The following NCBP1 variants were observed in gnomAD, a reference collection of about 807,000 sequenced individuals.
The protein encoded by NCBP1 is nuclear cap-binding protein subunit 1.
Under a neutral mutation model 111.7 loss-of-function variants are expected in NCBP1, and 16 were observed. The ratio of observed to expected loss-of-function variants is 0.14; its 90% CI spans 0.10 to 0.22. The LOEUF is 0.22. Ranked by LOEUF, NCBP1 falls within the 10% of genes least tolerant of loss-of-function variation. The pLI is 1.00. For missense variants in NCBP1, 607 were observed against 957.5 expected (o/e 0.63, Z 4.83); for synonymous variants, 304 against 314.3 (o/e 0.97, Z 0.35).
intron 21 of NCBP1, 26 bp downstream of exon 21, chr9:97,669,000 A>C (rs760654999): frequency 6.3e-7 from 1 of 1,574,866 alleles, no homozygotes; most frequent in South Asian, 1.2e-5. Flanking sequence ...ACATTTATAC[A>C]TAAAAGGAAA....
In NCBP1 at chr9:97,634,156, A is replaced by G. The variant is rs560896834; in HGVS notation, c.34+241A>G. ...CGGGAAAGAAGGCCTGGTGAACCCC[A>G]TGGGTAGACCCTTGGTCTCTAAGGA... On this transcript the variant is annotated intron_variant, in intron 1 of 22. Coordinates refer to ENST00000375147, the MANE Select transcript of NCBP1 (RefSeq NM_002486.5). Among the ~76,000 whole-genome samples, 10 of 152,352 alleles carry G rather than the reference A, an allele frequency of 6.6e-5. No individual in the cohort carries two copies. In the South Asian group the frequency reaches 1.9e-3, roughly 28 times the overall value.
At chr9:97,636,059 A>G (rs1043143512) in intron 1 of NCBP1, 1 of 152,214 alleles carries the variant, frequency 6.6e-6, no homozygotes, top group Admixed American at 6.5e-5. Context: ...TAAATAAGAC[A>G]AGTAAAACAA....
chr9:97,653,700 C>T, intron 10 of NCBP1, 98 bp from the exon 11 acceptor site: 1 of 772,502 alleles, frequency 1.3e-6, no homozygotes. Flanking sequence ...CATATGAATG[C>T]CATGGAGTTA....
At chr9:97,644,884 GAATTTCATGT>G (rs1276681394) in intron 4 of NCBP1, among the ~76,000 whole-genome samples, 1 of 151,970 alleles carries the variant, frequency 6.6e-6, no homozygotes, top group African/African-American at 2.4e-5. Flanking sequence ...ACTGAAACTT[GAATTTCATGT>G]AATTTGTATA....
At chr9:97,667,137 C>T (rs1485249433) in intron 20 of NCBP1, among the ~76,000 whole-genome samples, 2 of 152,046 alleles carry the variant, frequency 1.3e-5, no homozygotes, top group East Asian at 1.9e-4. Flanking sequence ...ATCTCTGGGT[C>T]GGCCTCACGT....
chr9:97,636,020 A>ATT lies in NCBP1; in HGVS notation c.34+2107_34+2108dup, dbSNP rs528963518. 13 of 152,298 alleles carry ATT rather than the reference A, an allele frequency of 8.5e-5. 1 individual carries two copies. In the East Asian group the frequency reaches 1.3e-3, roughly 16 times the overall value. The allele number at this position is 152,298 out of a possible 1,614,324, so 9.4% of individuals were successfully genotyped here. A position where few individuals can be genotyped will look rare whatever the true frequency, so the allele number is the denominator to read the frequency against. The stretch of plus-strand genomic sequence containing the variant: ...CCAGCTGGCAGCCAAATCACTGTCC[A>ATT]TTTGGGTCTTGCCGCGAGAACCTCA... On this transcript the variant is annotated intron_variant, in intron 1 of 22. Transcript: ENST00000375147.
In NCBP1 at chr9:97,645,231, G is replaced by T; in HGVS notation, c.489+7G>T. 2 of 1,594,232 alleles carry T rather than the reference G, an allele frequency of 1.3e-6. No homozygotes were observed. The highest frequency in any genetic ancestry group is 1.7e-6 in the Non-Finnish European group (2 of 1,162,264). On this transcript the variant is annotated splice_region_variant and intron_variant, in intron 5 of 22. Transcript: ENST00000375147. ...GGAAGAAGATGTACCTCAGGTAAGA[G>T]AACCCCTCATGCTGAATCTTGAGGG...
At position 97,646,943 on chromosome 9, in the gene NCBP1, CTTT is replaced by C. The variant is rs562016925; in HGVS notation, c.612-538_612-536del. ...AATATACACACTGTTCTTCACTTGG[CTTT>C]TTTTTTTTTTCTTACTATAACTTGG... On this transcript the variant is annotated intron_variant, in intron 6 of 22. Transcript: ENST00000375147. Among the ~76,000 whole-genome samples the C allele has an allele frequency of 2.2e-5, 3 of 134,788 alleles. No individual in the cohort carries two copies. In the East Asian group the frequency reaches 6.7e-4, roughly 30 times the overall value. The allele number at this position is 134,788 out of a possible 152,430, so 88.4% of individuals were successfully genotyped here. A position where few individuals can be genotyped will look rare whatever the true frequency, so the allele number is the denominator to read the frequency against.
At position 97,654,955 on chromosome 9, in the gene NCBP1, C is replaced by T. The variant is rs748226866; in HGVS notation, c.1235+11C>T. The T allele has an allele frequency of 8.5e-5, 133 of 1,564,290 alleles. No homozygotes were observed. Among genetic ancestry groups the T allele is most frequent in the Non-Finnish European group, 1.1e-4 (126 of 1,155,570 alleles). Reference sequence around the variant, plus strand: ...TACCTGTGTAGACAGGTACAGTAATCGCTTTACTGCTGAGCTGAGTTAGCA... The same window carrying T: ...TACCTGTGTAGACAGGTACAGTAATTGCTTTACTGCTGAGCTGAGTTAGCA... On this transcript the variant is annotated intron_variant, in intron 12 of 22. Transcript: ENST00000375147.
intron 1 of NCBP1, 33 bp from the exon 2 acceptor site, chr9:97,640,761 A>G: frequency 1.3e-6 from 2 of 1,516,600 alleles, no homozygotes; most frequent in Non-Finnish European, 1.8e-6. Context: ...CAGATTTATC[A>G]TGTAATGTTA....
Position 97,664,381 on chromosome 9 carries a change from A to G in NCBP1, c.1839A>G (p.Ile613Met). ...TGGATAAGATGATTCGTACACAAAT[A>G]GTTGATTGTGCTGCCGTAGCAAATT... The part of the protein sequence containing the change: ...VLVDKMIRTQ[I>M]VDCAAVANWI... Residue 613 changes from isoleucine (I) to methionine (M), a missense_variant, in exon 19 of 23, where the codon ATA becomes ATG. Around this residue, in one of 9 missense-constraint regions of NCBP1, gnomAD observed 282 missense variants for 376.5 expected, o/e 0.75. Coordinates refer to ENST00000375147, the MANE Select transcript of NCBP1 (RefSeq NM_002486.5). The G allele has an allele frequency of 6.2e-7, 1 of 1,613,144 alleles. No homozygotes were observed. Among genetic ancestry groups the G allele is most frequent in the Non-Finnish European group, 8.5e-7 (1 of 1,179,164 alleles).
chr9:97,667,301 A>G (rs1036213402), intron 20 of NCBP1, among the ~76,000 whole-genome samples: 2 of 152,214 alleles, frequency 1.3e-5, no homozygotes, highest in African/African-American at 4.8e-5. Context: ...TACTTCTCAT[A>G]GTATTAATTT....
At chr9:97,642,265 T>A in intron 3 of NCBP1, among the ~76,000 whole-genome samples, 1 of 152,140 alleles carries the variant, frequency 6.6e-6, no homozygotes, top group Non-Finnish European at 1.5e-5. Context: ...GTATTTACAC[T>A]TAAACTGTTG....
At chr9:97,644,255 C>T (rs530658213) in intron 4 of NCBP1, among the ~76,000 whole-genome samples, 4 of 152,248 alleles carry the variant, frequency 2.6e-5, no homozygotes, top group Admixed American at 2.6e-4. Flanking sequence ...TTTAGCCTGA[C>T]CCTTTATGGT....
At chr9:97,661,929 T>G (rs1459818915) in intron 16 of NCBP1, 113 bp from the exon 17 acceptor site, 6 of 576,428 alleles carry the variant, frequency 1.0e-5, no homozygotes, top group Non-Finnish European at 1.4e-5. Context: ...CCAAAAAACA[T>G]TACACAAATA....
intron 19 of NCBP1, 151 bp downstream of exon 19, chr9:97,664,594 T>C (rs1315542346): frequency 3.6e-6 from 2 of 549,122 alleles, no homozygotes; most frequent in Non-Finnish European, 6.5e-6. Context: ...CAAAAATTCC[T>C]AGACAGTGGA....
intron 1 of NCBP1, among the ~76,000 whole-genome samples, chr9:97,638,002 AT>A (rs35245675): frequency 0.14 from 21,656 of 152,220 alleles, 2,038 homozygotes; most frequent in Middle Eastern, 0.35. Flanking sequence ...AAACTTTTAC[AT>A]AGTTAAATTT....
At chr9:97,648,634 TA>T (rs1202627338) in intron 8 of NCBP1, among the ~76,000 whole-genome samples, 1 of 152,228 alleles carries the variant, frequency 6.6e-6, no homozygotes, top group Non-Finnish European at 1.5e-5. Flanking sequence ...TTATGAGGAT[TA>T]AATTATTCAC....
chr9:97,665,175 C>T (rs995320843), intron 19 of NCBP1, among the ~76,000 whole-genome samples: 1 of 152,214 alleles, frequency 6.6e-6, no homozygotes, highest in Non-Finnish European at 1.5e-5. Context: ...CAGAAATATA[C>T]TGAATTGTTA....
Sources: allele counts gnomAD v4.1 joint callset (sites outside exome capture counted in the v4.1 genomes callset), GRCh38; gene constraint gnomAD v4.1.1; regional missense constraint gnomAD v4.1.1; transcripts MANE v1.5; gene names NCBI Gene and HGNC (gene_info 2026-07-23, HGNC 2026-07-21).